The following CTNNA3 variants were observed in gnomAD, a reference collection of about 807,000 sequenced individuals.
CTNNA3 encodes the protein catenin alpha 3.
In CTNNA3, 76 loss-of-function variants were observed where a neutral mutation model predicts 95.7. The ratio of observed to expected loss-of-function variants is 0.79; its 90% confidence interval spans 0.66 to 0.96. The LOEUF is 0.96. Ranked by LOEUF, CTNNA3 falls within the 40% of genes least tolerant of loss-of-function variation. CTNNA3 has a pLI of 0.00. For synonymous variants in CTNNA3, 431 were observed against 374.4 expected (o/e 1.15, Z -1.74); for missense variants, 1,191 against 1,089.8 (o/e 1.09, Z -1.31).
intron 5 of CTNNA3, among the ~76,000 whole-genome samples, chr10:67,365,335 A>G (rs1404019673): frequency 6.6e-6 from 1 of 152,230 alleles, no homozygotes; most frequent in Non-Finnish European, 1.5e-5. Context: ...CATGACTAAA[A>G]CACCAAAAGC....
rs1044370636 is a variant in CTNNA3 at position 67,606,815 on chromosome 10, A to G, written c.292+42T>C. The G allele has an allele frequency of 2.7e-6, 4 of 1,472,502 alleles. No individual in the cohort carries two copies. The African/African-American group carries it at 5.7e-5, about 21-fold the overall frequency. 91.2% of individuals were successfully genotyped at this position (1,472,502 alleles called of 1,614,324 possible). On this transcript the variant is annotated intron_variant, in intron 3 of 17. Transcript: ENST00000433211. Reference sequence around the variant, plus strand: ...ATCTAATTTGGGTGACTAACACCCTAAAGATATGCAGTTTGCTCCTGACCA... The same window carrying G: ...ATCTAATTTGGGTGACTAACACCCTGAAGATATGCAGTTTGCTCCTGACCA...
intron 5 of CTNNA3, among the ~76,000 whole-genome samples, chr10:67,504,014 G>A (rs919736029): frequency 4.7e-5 from 7 of 150,156 alleles, no homozygotes; most frequent in Middle Eastern, 3.5e-3. Context: ...AAAATCAGCT[G>A]GGCATGGTGG....
chr10:66,523,995 G>C (rs1841160527), intron 10 of CTNNA3, among the ~76,000 whole-genome samples: 1 of 152,014 alleles, frequency 6.6e-6, no homozygotes, highest in South Asian at 2.1e-4. Context: ...ACTCATTTTA[G>C]TCTTTGTTCC....
At chr10:66,205,381 T>G (rs2087693827) in intron 13 of CTNNA3, among the ~76,000 whole-genome samples, 1 of 152,012 alleles carries the variant, frequency 6.6e-6, no homozygotes, top group Non-Finnish European at 1.5e-5. Context: ...AAAACATTAG[T>G]GAGAACTTGC....
chr10:67,062,825 C>T (rs1855839362), intron 7 of CTNNA3, among the ~76,000 whole-genome samples: 1 of 152,144 alleles, frequency 6.6e-6, no homozygotes, highest in Non-Finnish European at 1.5e-5. Context: ...AATTAATTTT[C>T]CTCCAACAAC....
chr10:67,232,529 A>G (rs892777331), intron 5 of CTNNA3, among the ~76,000 whole-genome samples: 9 of 152,216 alleles, frequency 5.9e-5, no homozygotes, highest in Non-Finnish European at 1.0e-4. Flanking sequence ...CATGGAAGGA[A>G]CAACTGGTAC....
chr10:67,559,621 C>T (rs915943792), intron 3 of CTNNA3, among the ~76,000 whole-genome samples: 7 of 152,118 alleles, frequency 4.6e-5, no homozygotes, highest in East Asian at 1.9e-4. Context: ...TCACCAGCAA[C>T]GGAACGAAGC....
chr10:65,999,152 C>G (rs772028978), intron 15 of CTNNA3, among the ~76,000 whole-genome samples: 2 of 152,052 alleles, frequency 1.3e-5, no homozygotes, highest in Admixed American at 6.5e-5. Flanking sequence ...TCAGGCAGGA[C>G]TAGATGTTAC....
chr10:65,961,107 C>T (rs534038930), intron 17 of CTNNA3, among the ~76,000 whole-genome samples: 4 of 148,286 alleles, frequency 2.7e-5, no homozygotes, highest in Non-Finnish European at 4.5e-5. Context: ...TTTACCTAAA[C>T]ATTTCTCAAT....
Position 67,302,002 on chromosome 10 carries a change from C to CGAAAGAAAGAAAGAAA in CTNNA3, c.580-82148_580-82133dup, listed in dbSNP as rs1204389443. ...AAGAAAGAAAGAAAGAACGAAAGAA[C>CGAAAGAAAGAAAGAAA]GAAAGAAAGAAAGAAAGAAAGAAAG... On this transcript the variant is annotated intron_variant, in intron 5 of 17. Transcript: ENST00000433211. Among the ~76,000 whole-genome samples, 19 of 55,918 alleles carry CGAAAGAAAGAAAGAAA rather than the reference C, an allele frequency of 3.4e-4. 1 individual carries two copies. Among genetic ancestry groups the CGAAAGAAAGAAAGAAA allele is most frequent in the Non-Finnish European group, 5.2e-4 (16 of 30,594 alleles). 36.7% of individuals were successfully genotyped at this position (55,918 alleles called of 152,430 possible). A position where few individuals can be genotyped will look rare whatever the true frequency, so the allele number is the denominator to read the frequency against.
chr10:66,414,493 C>T (rs73307438), intron 11 of CTNNA3, among the ~76,000 whole-genome samples: 42 of 152,258 alleles, frequency 2.8e-4, no homozygotes, highest in African/African-American at 8.2e-4. Context: ...GTCCTAGCCA[C>T]GGGAGAGTCC....
chr10:67,383,375 A>C (rs1458524563), intron 5 of CTNNA3, among the ~76,000 whole-genome samples: 1 of 152,216 alleles, frequency 6.6e-6, no homozygotes, highest in Non-Finnish European at 1.5e-5. Flanking sequence ...CAGTCGTGGT[A>C]AGAAAGTATT....
chr10:66,707,045 A>G lies in CTNNA3; in HGVS notation c.1281+59219T>C, dbSNP rs554692258. Among the ~76,000 whole-genome samples, 248 of 152,060 alleles carry G rather than the reference A, an allele frequency of 1.6e-3. 1 individual carries two copies. The highest frequency in any genetic ancestry group is 3.1e-3 in the Non-Finnish European group (210 of 67,942). Reference sequence around the variant, plus strand: ...AAAGATATCAATACTAGAAAGACAGAAGAGAATGTTTAAAATAGTAAGAAT... The same window carrying G: ...AAAGATATCAATACTAGAAAGACAGGAGAGAATGTTTAAAATAGTAAGAAT... On this transcript the variant is annotated intron_variant, in intron 9 of 17. Coordinates refer to ENST00000433211, the MANE Select transcript of CTNNA3 (RefSeq NM_013266.4).
intron 17 of CTNNA3, among the ~76,000 whole-genome samples, chr10:65,947,933 G>T (rs2077543446): frequency 6.6e-6 from 1 of 152,154 alleles, no homozygotes; most frequent in African/African-American, 2.4e-5. Context: ...ATAAGTGAGG[G>T]TCCTAAAACT....
intron 1 of CTNNA3, among the ~76,000 whole-genome samples, chr10:67,735,528 G>T (rs183481539): frequency 1.3e-5 from 2 of 151,942 alleles, no homozygotes; most frequent in Admixed American, 6.6e-5. Context: ...ATATACTAAC[G>T]GCCAATAAGC....
intron 7 of CTNNA3, among the ~76,000 whole-genome samples, chr10:67,151,607 C>A (rs895923001): frequency 2.0e-5 from 3 of 152,244 alleles, no homozygotes; most frequent in South Asian, 2.1e-4. Flanking sequence ...CTTTCTATGG[C>A]TTATATAAAG....
chr10:66,989,423 A>G (rs1850919085), intron 7 of CTNNA3, among the ~76,000 whole-genome samples: 1 of 152,198 alleles, frequency 6.6e-6, no homozygotes, highest in South Asian at 2.1e-4. Flanking sequence ...GGTATAACAG[A>G]ATTAGACTAC....
chr10:67,281,085 C>G (rs1839382249), intron 5 of CTNNA3, among the ~76,000 whole-genome samples: 1 of 151,768 alleles, frequency 6.6e-6, no homozygotes, highest in Non-Finnish European at 1.5e-5. Context: ...ACCATTCTGT[C>G]TTTATTTTTT....
intron 5 of CTNNA3, among the ~76,000 whole-genome samples, chr10:67,221,816 C>T (rs928994749): frequency 1.3e-5 from 2 of 152,020 alleles, no homozygotes; most frequent in Non-Finnish European, 2.9e-5. Context: ...CCTTGTGATC[C>T]GCCCGCCTCG....
Sources: gnomAD v4.1 joint callset for allele counts (sites outside exome capture counted in the v4.1 genomes callset) on GRCh38, gnomAD v4.1.1 for gene constraint, MANE v1.5 for transcripts, NCBI Gene and HGNC (gene_info 2026-07-23, HGNC 2026-07-21) for gene names.